Variants in ST3GAL1 observed in about 807,000 individuals in gnomAD.
The protein encoded by ST3GAL1 is CMP-N-acetylneuraminate-beta-galactosamide-alpha-2,3-sialyltransferase 1.
In ST3GAL1, 16 loss-of-function variants were observed where a neutral mutation model predicts 34.1. The observed-to-expected ratio is 0.47, with a 90% CI of 0.32 to 0.71. The LOEUF (loss-of-function observed/expected upper bound fraction) is 0.71, where lower values mean the gene tolerates loss of function less well. Among genes scored for constraint, ST3GAL1 ranks in the 30% least tolerant of loss-of-function variants. The probability of loss-of-function intolerance (pLI) is 0.04; values close to 1 mark genes in which losing one functional copy is unlikely to be tolerated. For synonymous variants in ST3GAL1, 191 were observed against 184.7 expected, an observed-to-expected ratio of 1.03 and a Z score of -0.28; for missense variants, 353 against 447.4, an observed-to-expected ratio of 0.79 and a Z score of 1.90.
Position 133,513,850 on chromosome 8 carries a change from G to A in ST3GAL1, c.-428-14661C>T, listed in dbSNP as rs570088900. On this transcript the variant is annotated intron_variant, in intron 2 of 9. Transcript: ENST00000522652. ...GGAGGTGGAGGTTGCAGTGAGCTGA[G>A]ATTACGCCATTGCACTCCAGCCTGG... Among the ~76,000 whole-genome samples, 11 of 151,762 alleles carry A rather than the reference G, an allele frequency of 7.2e-5. No homozygotes were observed. The East Asian group carries it at 1.9e-3, about 27-fold the overall frequency.
intron 1 of ST3GAL1, among the ~76,000 whole-genome samples, chr8:133,562,824 TCC>T (rs1819275991): frequency 2.5e-5 from 3 of 118,462 alleles, no homozygotes; most frequent in African/African-American, 1.2e-4. Context: ...CTTCCTTCCT[TCC>T]TTCCTTCCTT....
chr8:133,459,771 C>G lies in ST3GAL1; in HGVS notation c.1016G>C (p.Gly339Ala). The G allele has an allele frequency of 6.2e-7, 1 of 1,611,564 alleles. No individual in the cohort carries two copies. Among genetic ancestry groups the G allele is most frequent in the Non-Finnish European group, 8.5e-7 (1 of 1,178,520 alleles). The stretch of plus-strand genomic sequence containing the variant: ...CCTCAGCCCTTCACTGCGTCATCTC[C>G]CCTTGAAGATCCGGATTTTATTGAT... The part of the protein sequence containing the change: ...ASINKIRIFK[G>A]R The change falls in exon 10 of 10, where the codon GGG becomes GCG. Residue 339 changes from glycine to alanine, a missense_variant. By Grantham distance (60) the Gly-to-Ala change is moderately conservative (BLOSUM62 0). Transcript: ENST00000522652. The surrounding 1 kb of genome is among the most constrained non-coding windows in gnomAD (Gnocchi z 4.7).
chr8:133,491,329 C>T (rs1328446272), intron 3 of ST3GAL1, among the ~76,000 whole-genome samples: 5 of 152,090 alleles, frequency 3.3e-5, no homozygotes, highest in African/African-American at 1.2e-4. Context: ...CCAGGGGTTG[C>T]ACTATGCGCG....
intron 2 of ST3GAL1, among the ~76,000 whole-genome samples, chr8:133,512,174 A>G (rs1164859389): frequency 6.6e-6 from 1 of 152,240 alleles, no homozygotes; most frequent in Non-Finnish European, 1.5e-5. Context: ...TATGAGACCC[A>G]GAACTTCAAA....
intron 2 of ST3GAL1, among the ~76,000 whole-genome samples, chr8:133,531,032 C>A (rs1247873188): frequency 6.6e-6 from 1 of 152,132 alleles, no homozygotes; most frequent in Non-Finnish European, 1.5e-5. Flanking sequence ...TCTGGACTCC[C>A]ACATTTATGA....
intron 2 of ST3GAL1, among the ~76,000 whole-genome samples, chr8:133,521,138 G>GTT (rs35051988): frequency 0.039 from 438 of 11,200 alleles, 165 homozygotes; most frequent in South Asian, 0.074. Flanking sequence ...TTTGTGGGTT[G>GTT]TTTTTTTTTT....
At chr8:133,491,671 G>A (rs865995406) in intron 3 of ST3GAL1, among the ~76,000 whole-genome samples, 3 of 152,170 alleles carry the variant, frequency 2.0e-5, no homozygotes. Context: ...TCCCTAATGG[G>A]GATTAAGATC....
chr8:133,567,754 G>A (rs1269374013), intron 1 of ST3GAL1, among the ~76,000 whole-genome samples: 1 of 152,134 alleles, frequency 6.6e-6, no homozygotes, highest in Admixed American at 6.5e-5. Flanking sequence ...CCCTTGGCAT[G>A]GGGTAGTAGA....
intron 3 of ST3GAL1, among the ~76,000 whole-genome samples, chr8:133,490,072 G>A (rs560723265): frequency 1.3e-5 from 2 of 152,258 alleles, no homozygotes; most frequent in Admixed American, 6.5e-5. Flanking sequence ...GTCCCCAGGG[G>A]CTCTTCGGGC....
intron 2 of ST3GAL1, among the ~76,000 whole-genome samples, chr8:133,532,756 A>G (rs1818194740): frequency 6.6e-6 from 1 of 152,128 alleles, no homozygotes; most frequent in Admixed American, 6.5e-5. Flanking sequence ...ATTTGCCAGA[A>G]CTGTTCTTCC....
chr8:133,490,287 C>G (rs1156524718), intron 3 of ST3GAL1, among the ~76,000 whole-genome samples: 2 of 141,122 alleles, frequency 1.4e-5, no homozygotes, highest in Non-Finnish European at 3.1e-5. Flanking sequence ...GATTCCTGAG[C>G]CTGCTCTTCC....
chr8:133,496,765 C>T (rs949341942), intron 3 of ST3GAL1, among the ~76,000 whole-genome samples: 1 of 152,190 alleles, frequency 6.6e-6, no homozygotes, highest in Non-Finnish European at 1.5e-5. Flanking sequence ...ATAATGGGCT[C>T]AATCCTGAAC....
At chr8:133,478,900 T>C (rs1233814996) in intron 3 of ST3GAL1, among the ~76,000 whole-genome samples, 10 of 152,306 alleles carry the variant, frequency 6.6e-5, no homozygotes, top group Middle Eastern at 3.4e-3. Context: ...CAGTGGAGGC[T>C]TGGGTCATGA....
intron 3 of ST3GAL1, among the ~76,000 whole-genome samples, chr8:133,489,214 C>A (rs1337928379): frequency 6.6e-6 from 1 of 152,190 alleles, no homozygotes; most frequent in Non-Finnish European, 1.5e-5. Flanking sequence ...TTCAACTCAG[C>A]TCCCCTCCAC....
intron 1 of ST3GAL1, among the ~76,000 whole-genome samples, chr8:133,568,825 G>A (rs1434283890): frequency 6.6e-6 from 1 of 151,950 alleles, no homozygotes; most frequent in Admixed American, 6.5e-5. Flanking sequence ...GGGGAGGGGA[G>A]ACAGAGATCT....
In ST3GAL1 at chr8:133,536,165, ACT is replaced by A. The variant is rs1818305311; in HGVS notation, c.-429+9607_-429+9608del. On this transcript the variant is annotated intron_variant, in intron 2 of 9. Transcript: ENST00000522652. Reference sequence around the variant, plus strand: ...ATTCAGGGTTCACACTGTGAAGATGACTCTGTGATTAGCAGAAGGTGGGGTGG... The same window carrying A: ...ATTCAGGGTTCACACTGTGAAGATGACTGTGATTAGCAGAAGGTGGGGTGG... Among the ~76,000 whole-genome samples the A allele has an allele frequency of 2.6e-5, 4 of 151,644 alleles. No homozygotes were observed. In the South Asian group the frequency reaches 8.3e-4, roughly 31 times the overall value.
intron 1 of ST3GAL1, among the ~76,000 whole-genome samples, chr8:133,547,960 G>A (rs944914975): frequency 2.0e-5 from 3 of 152,178 alleles, no homozygotes; most frequent in Admixed American, 6.5e-5. Flanking sequence ...TTTAGTGACT[G>A]TCTAAGCCCA....
At chr8:133,488,873 G>T (rs1003276857) in intron 3 of ST3GAL1, among the ~76,000 whole-genome samples, 1 of 152,028 alleles carries the variant, frequency 6.6e-6, no homozygotes, top group Non-Finnish European at 1.5e-5. Flanking sequence ...CAGACAGGGG[G>T]GGCCAGGCAA....
rs1214501394 is a variant in ST3GAL1, at chr8:133,477,706, C to T, written c.-373-1106G>A. ...CATCGGAGACCCCTCTGGCTCTCAC[C>T]GACACCTTGGGATTTCTGTATGGTA... On this transcript the variant is annotated intron_variant, in intron 3 of 9. Transcript: ENST00000522652. Among the ~76,000 whole-genome samples the T allele has an allele frequency of 3.3e-5, 5 of 152,082 alleles. No homozygotes were observed. In the East Asian group the frequency reaches 9.6e-4, roughly 29 times the overall value.
Sources: gnomAD v4.1 joint callset for allele counts (sites outside exome capture counted in the v4.1 genomes callset) on GRCh38, gnomAD v4.1.1 for gene constraint, Gnocchi (gnomAD v3.1) non-coding constraint, MANE v1.5 for transcripts, NCBI Gene and HGNC (gene_info 2026-07-23, HGNC 2026-07-21) for gene names.